The following ZNF215 variants were observed in gnomAD, a reference collection of about 807,000 sequenced individuals.
The protein encoded by ZNF215 is zinc finger protein 215.
In ZNF215, 24 loss-of-function variants were observed where a neutral mutation model predicts 27.2. The observed-to-expected ratio is 0.88, with a 90% CI of 0.64 to 1.24. ZNF215 has a LOEUF of 1.24. Among genes scored for constraint, ZNF215 ranks in the 50% most tolerant of loss-of-function variants. The pLI, the probability that ZNF215 is intolerant of heterozygous loss-of-function variation, is 0.00. For missense variants in ZNF215, 675 were observed against 605.7 expected, an observed-to-expected ratio of 1.11 and a Z score of -1.20; for synonymous variants, 210 against 204.0, an observed-to-expected ratio of 1.03 and a Z score of -0.25.
chr11:6,983,412 G>T (rs1462287776), intron 5 of ZNF215, among the ~76,000 whole-genome samples: 3 of 152,104 alleles, frequency 2.0e-5, no homozygotes, highest in Non-Finnish European at 2.9e-5. Flanking sequence ...ATTTTATGAG[G>T]CCAGCATCAT....
rs1850403751 is a variant in ZNF215 at position 6,957,387 on chromosome 11, G to A, written c.*856G>A. 5.5e-6 allele frequency: 1 copy of A among 183,012 alleles called. No individual in the cohort carries two copies. The allele number at this position is 183,012 out of a possible 1,614,324, so 11.3% of individuals were successfully genotyped here. A position where few individuals can be genotyped will look rare whatever the true frequency, so the allele number is the denominator to read the frequency against. ...TCTCAGTCTGAGTTTGTGAGGAAGT[G>A]TGCCCTGCAGTGGAATGGCTCCTAA... On this transcript the variant is annotated 3_prime_UTR_variant, in exon 7 of 7. Transcript: ENST00000278319.
At position 6,951,757 on chromosome 11, in the gene ZNF215, A is replaced by G. The variant is rs536835989; in HGVS notation, c.713-3933A>G. ...CTTCAGTTCTGCTCTGATTTTAGTTATTTCTTGCCTTCTGCTAGCTTTTGA... is the reference window on the plus strand; with the variant it reads ...CTTCAGTTCTGCTCTGATTTTAGTTGTTTCTTGCCTTCTGCTAGCTTTTGA... On this transcript the variant is annotated intron_variant, in intron 6 of 6. Transcript: ENST00000278319. 9.0e-3 allele frequency among the ~76,000 whole-genome samples: 1,372 copies of G among 151,874 alleles called. 10 individuals are homozygous for G. The highest frequency in any genetic ancestry group is 0.014 in the Non-Finnish European group (965 of 67,942).
chr11:6,980,062 A>G (rs1241123187), intron 5 of ZNF215, among the ~76,000 whole-genome samples: 5 of 152,146 alleles, frequency 3.3e-5, no homozygotes, highest in Non-Finnish European at 7.4e-5. Context: ...GTTCAGCCCA[A>G]TGATCGGTGG....
intron 3 of ZNF215, among the ~76,000 whole-genome samples, chr11:6,936,052 T>C (rs553799332): frequency 1.3e-5 from 2 of 152,050 alleles, no homozygotes; most frequent in Admixed American, 6.5e-5. Context: ...ATGGCTCAAA[T>C]TGTAGCTATA....
chr11:6,930,844 AT>A (rs542412649), intron 2 of ZNF215, among the ~76,000 whole-genome samples: 5 of 152,258 alleles, frequency 3.3e-5, no homozygotes, highest in Non-Finnish European at 7.3e-5. Context: ...TAACTAGTAC[AT>A]CTGGGATAGA....
Position 6,955,693 on chromosome 11 carries a change from T to G in ZNF215, c.716T>G (p.Met239Arg). 6.5e-7 allele frequency: 1 copy of G among 1,548,352 alleles called. No individual in the cohort carries two copies. The highest frequency in any genetic ancestry group is 8.7e-7 in the Non-Finnish European group (1 of 1,154,476). The change falls in exon 7 of 7, where the codon ATG becomes AGG. Residue 239 changes from methionine to arginine, a missense_variant. Transcript: ENST00000278319. ...GGCATTTTTTATTTCTCTTTAGACA[T>G]GAAGAGTATTTCTGGAGAAGAATCA... ...KEIPRKTIFDMKSISGEESSH... is the reference protein window; with the variant it reads ...KEIPRKTIFDRKSISGEESSH...
chr11:6,964,785 G>A (rs1564971280), intron 5 of ZNF215, among the ~76,000 whole-genome samples: 1 of 151,454 alleles, frequency 6.6e-6, no homozygotes, highest in Non-Finnish European at 1.5e-5. Flanking sequence ...ATCAAGATGA[G>A]TTTTTATTAG....
intron 5 of ZNF215, among the ~76,000 whole-genome samples, chr11:6,971,552 A>G (rs924977793): frequency 6.6e-6 from 1 of 152,210 alleles, no homozygotes; most frequent in African/African-American, 2.4e-5. Flanking sequence ...AATGCCTATC[A>G]TAGAGAAAAC....
At position 6,934,062 on chromosome 11, in the gene ZNF215, G is replaced by A. The variant is rs193157506; in HGVS notation, c.400+1390G>A. ...ACTGGATATCTGATGAGGAATTATC[G>A]ATTGGGGACAGTGATTATATTGGTA... is the stretch of plus-strand genomic sequence containing the variant. On this transcript the variant is annotated intron_variant, in intron 3 of 6. Coordinates refer to ENST00000278319, the MANE Select transcript of ZNF215 (RefSeq NM_013250.4). 3.3e-5 allele frequency among the ~76,000 whole-genome samples: 5 copies of A among 152,196 alleles called. No individual in the cohort carries two copies. The East Asian group carries it at 5.8e-4, about 18-fold the overall frequency.
intron 2 of ZNF215, among the ~76,000 whole-genome samples, chr11:6,930,229 T>C (rs927094935): frequency 2.0e-5 from 3 of 152,116 alleles, no homozygotes; most frequent in Admixed American, 2.0e-4. Flanking sequence ...TATTGGAGAA[T>C]GGTATTAGAA....
chr11:6,976,545 G>T (rs1850838048), intron 5 of ZNF215, among the ~76,000 whole-genome samples: 1 of 151,998 alleles, frequency 6.6e-6, no homozygotes, highest in Non-Finnish European at 1.5e-5. Flanking sequence ...GAACTTAACT[G>T]ACTTTAGTCT....
chr11:6,956,504 A>G lies in ZNF215; in HGVS notation c.1527A>G (p.Gln509=), dbSNP rs1850364389. 4.4e-6 allele frequency: 7 copies of G among 1,600,908 alleles called. No homozygotes were observed. Among genetic ancestry groups the G allele is most frequent in the Non-Finnish European group, 5.1e-6 (6 of 1,175,562 alleles). ...GGAGTTCAAACCTTGTTAAACATCA[A>G]AAACTGCATACTCGAGATAAGTCCT... ...FNRSSNLVKH[Q]KLHTRDKS The change falls in exon 7 of 7, where the codon CAA becomes CAG. Residue 509 remains glutamine, a synonymous_variant. Transcript: ENST00000278319.
At chr11:6,958,552 CCT>C (rs1460103851), downstream of ZNF215, among the ~76,000 whole-genome samples, 8 of 142,232 alleles carry the variant, frequency 5.6e-5, no homozygotes, top group African/African-American at 1.6e-4. Flanking sequence ...GTTTCACAAG[CCT>C]GTTTATTTAG....
intron 5 of ZNF215, among the ~76,000 whole-genome samples, chr11:6,978,341 T>G (rs1284720524): frequency 2.6e-5 from 4 of 152,094 alleles, no homozygotes; most frequent in African/African-American, 9.7e-5. Flanking sequence ...TATGAAGTTC[T>G]TGAACAGGCA....
At position 6,956,596 on chromosome 11, in the gene ZNF215, T is replaced by C. The variant is rs1850368796; in HGVS notation, c.*65T>C. The C allele has an allele frequency of 1.4e-6, 2 of 1,480,730 alleles. No homozygotes were observed. The highest frequency in any genetic ancestry group is 1.5e-5 in the South Asian group (1 of 67,130). The allele number at this position is 1,480,730 out of a possible 1,614,324, so 91.7% of individuals were successfully genotyped here. On this transcript the variant is annotated 3_prime_UTR_variant, in exon 7 of 7. Coordinates refer to ENST00000278319, the MANE Select transcript of ZNF215 (RefSeq NM_013250.4). The stretch of plus-strand genomic sequence containing the variant: ...GAACTCATTTAACATCATGAATTTA[T>C]GCTGGATAAAATCTCATGAATATAA...
intron 4 of ZNF215, among the ~76,000 whole-genome samples, chr11:6,942,492 G>T (rs1381167964): frequency 2.6e-5 from 4 of 152,138 alleles, no homozygotes; most frequent in African/African-American, 9.7e-5. Context: ...AGCAAATAAG[G>T]TAATTGTAGA....
At chr11:6,928,513 C>G (rs1849140101) in intron 2 of ZNF215, among the ~76,000 whole-genome samples, 1 of 152,018 alleles carries the variant, frequency 6.6e-6, no homozygotes, top group Non-Finnish European at 1.5e-5. Context: ...ATTCACTAAA[C>G]TCTTGAATAT....
downstream of ZNF215, among the ~76,000 whole-genome samples, chr11:6,989,372 A>G (rs551372800): frequency 1.7e-4 from 26 of 152,180 alleles, no homozygotes; most frequent in Non-Finnish European, 3.8e-4. Context: ...GAGCAAGGAC[A>G]TTATTTCTGG....
intron 5 of ZNF215, among the ~76,000 whole-genome samples, chr11:6,968,229 G>T (rs112033929): frequency 0.01 from 1,568 of 152,254 alleles, 27 homozygotes; most frequent in African/African-American, 0.036. Flanking sequence ...GATGCCTCCA[G>T]CTTTGTTCTT....
Sources: gnomAD v4.1 joint callset for allele counts (sites outside exome capture counted in the v4.1 genomes callset) on GRCh38, gnomAD v4.1.1 for gene constraint, MANE v1.5 for transcripts, NCBI Gene and HGNC (gene_info 2026-07-23, HGNC 2026-07-21) for gene names.